The following PTPRG variants were observed in gnomAD, a reference collection of about 807,000 sequenced individuals.
PTPRG encodes the protein receptor-type tyrosine-protein phosphatase gamma.
Under a neutral mutation model 165.3 loss-of-function variants are expected in PTPRG, and 102 were observed. That is an observed-to-expected ratio of 0.62 (90% CI 0.53 to 0.73). The LOEUF is 0.73. Ranked by LOEUF, PTPRG falls within the 30% of genes least tolerant of loss-of-function variation. PTPRG has a pLI of 0.00. For missense variants in PTPRG, 1,866 were observed against 1,861.4 expected (o/e 1.00, Z -0.05); for synonymous variants, 675 against 669.5 (o/e 1.01, Z -0.13).
intron 4 of PTPRG, among the ~76,000 whole-genome samples, chr3:62,068,203 C>T (rs1174426359): frequency 2.6e-5 from 4 of 152,042 alleles, no homozygotes; most frequent in Non-Finnish European, 5.9e-5. Flanking sequence ...TGATGTAAAA[C>T]GTTCAGAATC....
At chr3:61,569,316 C>G (rs1700000071) in intron 1 of PTPRG, among the ~76,000 whole-genome samples, 1 of 152,144 alleles carries the variant, frequency 6.6e-6, no homozygotes, top group Non-Finnish European at 1.5e-5. Flanking sequence ...AAGTTACATA[C>G]CCTCTCTGTG....
At chr3:61,870,554 A>T (rs1333246730) in intron 2 of PTPRG, among the ~76,000 whole-genome samples, 1 of 63,626 alleles carries the variant, frequency 1.6e-5, no homozygotes, top group Admixed American at 1.9e-4. Flanking sequence ...TTTAGTAGAG[A>T]TGGATTTTTT....
intron 3 of PTPRG, 90 bp from the exon 4 acceptor site, chr3:62,003,259 T>C: frequency 1.4e-6 from 2 of 1,410,294 alleles, no homozygotes; most frequent in Non-Finnish European, 1.9e-6. Flanking sequence ...CATATCATGG[T>C]AATGGTGAAC....
At chr3:61,898,690 A>T (rs1392604055) in intron 2 of PTPRG, among the ~76,000 whole-genome samples, 2 of 152,242 alleles carry the variant, frequency 1.3e-5, no homozygotes, top group African/African-American at 4.8e-5. Flanking sequence ...TGAATAAAGC[A>T]TGTGGCAAAG....
chr3:62,182,315 A>G (rs759221679), intron 8 of PTPRG, among the ~76,000 whole-genome samples: 24 of 152,294 alleles, frequency 1.6e-4, no homozygotes, highest in Non-Finnish European at 2.6e-4. Context: ...TAGCTTTGTG[A>G]TATCTTTTGG....
At chr3:62,104,809 A>G (rs961788882) in intron 5 of PTPRG, among the ~76,000 whole-genome samples, 1 of 152,256 alleles carries the variant, frequency 6.6e-6, no homozygotes, top group Admixed American at 6.5e-5. Flanking sequence ...ATATGTCATC[A>G]TATGTCAAAA....
intron 1 of PTPRG, among the ~76,000 whole-genome samples, chr3:61,660,927 G>C (rs143013464): frequency 4.6e-5 from 7 of 152,112 alleles, no homozygotes; most frequent in African/African-American, 1.7e-4. Context: ...GCTTGAACCT[G>C]GGAGGCGGAG....
chr3:62,005,375 T>G lies in PTPRG; in HGVS notation c.519+1878T>G, dbSNP rs115618040. 7.6e-3 allele frequency among the ~76,000 whole-genome samples: 1,152 copies of G among 152,306 alleles called. 18 individuals carry two copies. The highest frequency in any genetic ancestry group is 0.026 in the African/African-American group (1,066 of 41,560). Reference sequence around the variant, plus strand: ...TTACATCATGTTCTTAAGTGTAGGATTTTCCTTCTGGTCTTGCTGACAGGT... The same window carrying G: ...TTACATCATGTTCTTAAGTGTAGGAGTTTCCTTCTGGTCTTGCTGACAGGT... On this transcript the variant is annotated intron_variant, in intron 4 of 29. Transcript: ENST00000474889.
At chr3:61,676,471 A>AAAAAAAAAAAAAAAAATAAAAAAAG (rs369505317) in intron 1 of PTPRG, among the ~76,000 whole-genome samples, 1 of 99,022 alleles carries the variant, frequency 1.0e-5, no homozygotes, top group Non-Finnish European at 2.3e-5. Flanking sequence ...AAAAAAAAAA[A>AAAAAAAAAAAAAAAAATAAAAAAAG]AAAGAAAATT....
At chr3:61,975,139 G>A (rs1002601441) in intron 2 of PTPRG, among the ~76,000 whole-genome samples, 1 of 152,176 alleles carries the variant, frequency 6.6e-6, no homozygotes, top group Admixed American at 6.5e-5. Context: ...ATCTGTGGAC[G>A]TTGGTCCATT....
At chr3:62,281,049 T>TTGC (rs1233185105) in intron 26 of PTPRG, among the ~76,000 whole-genome samples, 1 of 152,046 alleles carries the variant, frequency 6.6e-6, no homozygotes, top group Non-Finnish European at 1.5e-5. Flanking sequence ...GTATGTTAAT[T>TTGC]TGCTCCTAAT....
chr3:61,567,596 G>A (rs1009560042), intron 1 of PTPRG, among the ~76,000 whole-genome samples: 1 of 148,938 alleles, frequency 6.7e-6, no homozygotes, highest in South Asian at 2.1e-4. Flanking sequence ...AGCCCACGAG[G>A]TTGAGGCCGC....
chr3:61,862,400 A>AGATGGAATTCC (rs2037295451), intron 2 of PTPRG, among the ~76,000 whole-genome samples: 1 of 100,438 alleles, frequency 1.0e-5, no homozygotes, highest in Non-Finnish European at 1.9e-5. Context: ...TTTTTTTTTG[A>AGATGGAATTCC]GATGGAATTC....
chr3:62,046,981 T>C (rs1179961397), intron 4 of PTPRG, among the ~76,000 whole-genome samples: 2 of 152,302 alleles, frequency 1.3e-5, no homozygotes, highest in East Asian at 1.9e-4. Context: ...TACCATCCTG[T>C]ATTATGGAAG....
chr3:61,870,115 A>G (rs189759617), intron 2 of PTPRG, among the ~76,000 whole-genome samples: 3 of 151,546 alleles, frequency 2.0e-5, no homozygotes, highest in Non-Finnish European at 2.9e-5. Context: ...TTGTGGGAGG[A>G]CACAAACATT....
At chr3:62,094,912 G>A (rs866685300) in intron 5 of PTPRG, among the ~76,000 whole-genome samples, 1 of 152,180 alleles carries the variant, frequency 6.6e-6, no homozygotes, top group African/African-American at 2.4e-5. Flanking sequence ...GGAAGGCTGC[G>A]ACCTGCCGCA....
chr3:61,770,181 T>C (rs900536818), intron 2 of PTPRG: 2 of 152,170 alleles, frequency 1.3e-5, no homozygotes, highest in South Asian at 4.1e-4. Flanking sequence ...GTGTTGATTG[T>C]AGCTCAGATT....
chr3:62,063,212 T>TCA (rs1700878734), intron 4 of PTPRG, among the ~76,000 whole-genome samples: 1 of 152,228 alleles, frequency 6.6e-6, no homozygotes, highest in African/African-American at 2.4e-5. Context: ...CATCATATGT[T>TCA]TTCTCTGATT....
chr3:61,838,305 AC>A (rs1174455734), intron 2 of PTPRG, among the ~76,000 whole-genome samples: 1 of 152,114 alleles, frequency 6.6e-6, no homozygotes, highest in Non-Finnish European at 1.5e-5. Context: ...CAAATAATTA[AC>A]CCTAGAAGTT....
Sources: gnomAD v4.1 joint callset for allele counts (sites outside exome capture counted in the v4.1 genomes callset) on GRCh38, gnomAD v4.1.1 for gene constraint, MANE v1.5 for transcripts, NCBI Gene and HGNC (gene_info 2026-07-23, HGNC 2026-07-21) for gene names.